The following LPIN2 variants were observed in gnomAD, a reference collection of about 807,000 sequenced individuals.
LPIN2 encodes phosphatidate phosphatase LPIN2.
LPIN2 carries 55 observed loss-of-function variants against 111.4 expected under a neutral mutation model. The ratio of observed to expected loss-of-function variants is 0.49; its 90% CI spans 0.40 to 0.62. The LOEUF is 0.62. LPIN2 is among the 20% of genes least tolerant of loss of function. LPIN2 has a pLI of 0.00. For missense variants in LPIN2, 992 were observed against 1,112.1 expected, an observed-to-expected ratio of 0.89 and a Z score of 1.54; for synonymous variants, 425 against 414.0, an observed-to-expected ratio of 1.03 and a Z score of -0.32.
chr18:2,962,184 T>C (rs2077723905), intron 1 of LPIN2, among the ~76,000 whole-genome samples: 1 of 151,778 alleles, frequency 6.6e-6, no homozygotes. Context: ...CGCGGATGAA[T>C]GTGTAATCAA....
In LPIN2 at chr18:2,918,734, T is replaced by C. The variant is rs886053748; in HGVS notation, c.*1559A>G. 3.3e-5 allele frequency: 5 copies of C among 152,172 alleles called. No individual in the cohort carries two copies. Among genetic ancestry groups the C allele is most frequent in the Non-Finnish European group, 7.3e-5 (5 of 68,046 alleles). 9.4% of individuals were successfully genotyped at this position (152,172 alleles called of 1,614,324 possible). A position where few individuals can be genotyped will look rare whatever the true frequency, so the allele number is the denominator to read the frequency against. ...ACAAGCACTAGGAAAATGGCTGAAA[T>C]CAGTCAGGGACTTTCAACTCTCCAA... On this transcript the variant is annotated 3_prime_UTR_variant, in exon 20 of 20. Transcript: ENST00000677752.
intron 1 of LPIN2, among the ~76,000 whole-genome samples, chr18:2,976,738 T>A (rs1291015528): frequency 2.0e-5 from 3 of 152,056 alleles, no homozygotes; most frequent in Non-Finnish European, 4.4e-5. Flanking sequence ...TAGCTAGGAG[T>A]GACATAAAAA....
Position 2,925,096 on chromosome 18 carries a change from G to A in LPIN2, c.1938+128C>T. On this transcript the variant is annotated intron_variant, in intron 14 of 19. Transcript: ENST00000677752. This position sits in a 1 kb window ranked among gnomAD's most constrained non-coding sequence, Gnocchi z 4.1. ...GGCGGTCGTGGTTCCACTGTGGATA[G>A]GCATTGACACGACCATGCCGTGTGG... 1 of 1,240,678 alleles carries A rather than the reference G, an allele frequency of 8.1e-7. No homozygotes were observed. Among genetic ancestry groups the A allele is most frequent in the Non-Finnish European group, 1.2e-6 (1 of 866,974 alleles). The allele number at this position is 1,240,678 out of a possible 1,614,324, so 76.9% of individuals were successfully genotyped here.
intron 8 of LPIN2, among the ~76,000 whole-genome samples, chr18:2,932,597 G>A (rs1345775855): frequency 6.6e-6 from 1 of 152,216 alleles, no homozygotes; most frequent in African/African-American, 2.4e-5. Flanking sequence ...GAGGGGCAAG[G>A]CCAACCCTTC....
intron 15 of LPIN2, 78 bp downstream of exon 15, chr18:2,924,320 A>G: frequency 6.3e-7 from 1 of 1,580,036 alleles, no homozygotes; most frequent in South Asian, 1.1e-5. Context: ...CCAGGTGAGG[A>G]ACTCCCCACC....
At chr18:3,002,024 T>C (rs1444279561) in intron 1 of LPIN2, among the ~76,000 whole-genome samples, 1 of 152,078 alleles carries the variant, frequency 6.6e-6, no homozygotes, top group Non-Finnish European at 1.5e-5. Context: ...TATGTCTCAT[T>C]AGTAAGACAA....
At chr18:2,994,988 T>C (rs2078320204) in intron 1 of LPIN2, among the ~76,000 whole-genome samples, 1 of 152,100 alleles carries the variant, frequency 6.6e-6, no homozygotes, top group Admixed American at 6.5e-5. Context: ...TCCCACTTGA[T>C]ACAGACCTCC....
At chr18:2,998,081 T>C (rs1235536276) in intron 1 of LPIN2, among the ~76,000 whole-genome samples, 1 of 152,228 alleles carries the variant, frequency 6.6e-6, no homozygotes, top group Non-Finnish European at 1.5e-5. Flanking sequence ...CCCTGCTTTA[T>C]TAAATTCTGC....
At chr18:3,008,201 G>A (rs1282717456) in intron 1 of LPIN2, among the ~76,000 whole-genome samples, 5 of 152,162 alleles carry the variant, frequency 3.3e-5, no homozygotes, top group Non-Finnish European at 7.3e-5. Context: ...CAACACTTTC[G>A]GAGGCCAAGG....
intron 4 of LPIN2, among the ~76,000 whole-genome samples, chr18:2,940,922 G>C (rs1022113523): frequency 6.6e-6 from 1 of 152,148 alleles, no homozygotes; most frequent in African/African-American, 2.4e-5. Context: ...GGAATAAATA[G>C]GGGGAGGACA....
At chr18:2,962,880 A>C (rs1263996914) in intron 1 of LPIN2, among the ~76,000 whole-genome samples, 1 of 152,254 alleles carries the variant, frequency 6.6e-6, no homozygotes, top group Non-Finnish European at 1.5e-5. Context: ...ACTTTTAAGC[A>C]TTGACATTCA....
chr18:2,921,667 A>G lies in LPIN2; in HGVS notation c.2328-20T>C, dbSNP rs763961605. ...ACTTCTCTAAGAAAAAAATACAAAT[A>G]CAATCACCAATCTCAAAATGGTCGT... is the stretch of plus-strand genomic sequence containing the variant. On this transcript the variant is annotated intron_variant, in intron 17 of 19. Transcript: ENST00000677752. 2.0e-5 allele frequency: 30 copies of G among 1,517,848 alleles called. No individual in the cohort carries two copies. The East Asian group carries it at 6.8e-4, about 34-fold the overall frequency. 94.0% of individuals were successfully genotyped at this position (1,517,848 alleles called of 1,614,324 possible). A position where few individuals can be genotyped will look rare whatever the true frequency, so the allele number is the denominator to read the frequency against.
chr18:2,951,446 T>G, intron 3 of LPIN2, 90 bp from the exon 4 acceptor site: 1 of 1,013,336 alleles, frequency 9.9e-7, no homozygotes, highest in Non-Finnish European at 1.4e-6. Flanking sequence ...ATTTTCACCA[T>G]GGTAAAAAAA....
chr18:2,974,528 T>C (rs1361667971), intron 1 of LPIN2, among the ~76,000 whole-genome samples: 1 of 152,272 alleles, frequency 6.6e-6, no homozygotes, highest in East Asian at 1.9e-4. Context: ...ACCTCTATAC[T>C]GGTGAAAATT....
intron 1 of LPIN2, among the ~76,000 whole-genome samples, chr18:2,999,917 G>A (rs780139870): frequency 8.5e-5 from 13 of 152,092 alleles, no homozygotes; most frequent in Non-Finnish European, 1.9e-4. Context: ...AGCCAGGCAC[G>A]GTGGGTCTCA....
chr18:3,001,698 T>C (rs2078438190), intron 1 of LPIN2, among the ~76,000 whole-genome samples: 1 of 152,184 alleles, frequency 6.6e-6, no homozygotes. Flanking sequence ...AAGGGGCTTT[T>C]GCTAGGGAGC....
chr18:2,960,440 T>C lies in LPIN2; in HGVS notation c.192+209A>G, dbSNP rs73936876. ...AAGAGACTTCTGCAGTCGAGCTTTG[T>C]GGTTTTCAAAGTAACTTCAAAAGCA... On this transcript the variant is annotated intron_variant, in intron 2 of 19. Coordinates refer to ENST00000677752, the MANE Select transcript of LPIN2 (RefSeq NM_001375808.2). Among the ~76,000 whole-genome samples the C allele has an allele frequency of 0.029, 4,452 of 151,994 alleles. 203 individuals are homozygous for C. Among genetic ancestry groups the C allele is most frequent in the African/African-American group, 0.1 (4,202 of 41,380 alleles).
intron 1 of LPIN2, among the ~76,000 whole-genome samples, chr18:2,991,729 AG>A (rs2078268225): frequency 6.6e-6 from 1 of 152,032 alleles, no homozygotes; most frequent in South Asian, 2.1e-4. Context: ...AATAATAATA[AG>A]GCCGGGCACA....
chr18:2,921,488 CT>C, intron 18 of LPIN2, 44 bp downstream of exon 18: 1 of 1,444,812 alleles, frequency 6.9e-7, no homozygotes, highest in Non-Finnish European at 9.7e-7. Context: ...GTACATCCCT[CT>C]GAATTTCACC....
Sources: allele counts gnomAD v4.1 joint callset (sites outside exome capture counted in the v4.1 genomes callset), GRCh38; gene constraint gnomAD v4.1.1; non-coding constraint Gnocchi (gnomAD v3.1); transcripts MANE v1.5; gene names NCBI Gene and HGNC (gene_info 2026-07-23, HGNC 2026-07-21).